Variants in DLGAP3 observed in about 807,000 individuals in gnomAD.
The protein encoded by DLGAP3 is disks large-associated protein 3.
Under a neutral mutation model 81.2 loss-of-function variants are expected in DLGAP3, and 17 were observed. The observed-to-expected ratio is 0.21, with a 90% CI of 0.14 to 0.31. The LOEUF is 0.31. Among genes scored for constraint, DLGAP3 ranks in the 10% least tolerant of loss-of-function variants. The pLI, the probability that DLGAP3 is intolerant of heterozygous loss-of-function variation, is 1.00. For synonymous variants in DLGAP3, 577 were observed against 587.4 expected, an observed-to-expected ratio of 0.98 and a Z score of 0.26; for missense variants, 1,124 against 1,388.0, an observed-to-expected ratio of 0.81 and a Z score of 3.02.
chr1:34,868,589 C>T lies in DLGAP3; in HGVS notation c.2485+16G>A, dbSNP rs759469064. 2.1e-5 allele frequency: 34 copies of T among 1,605,586 alleles called. No individual in the cohort carries two copies. Among genetic ancestry groups the T allele is most frequent in the Middle Eastern group, 3.3e-4 (2 of 6,072 alleles). On this transcript the variant is annotated intron_variant, in intron 9 of 11. Transcript: ENST00000373347. The surrounding 1 kb of genome is among the most constrained non-coding windows in gnomAD (Gnocchi z 7.5). Reference sequence around the variant, plus strand: ...CATGGTCCCCAGAGTCCCCTTGTTCCGATGCCGTGACTCACTCTCCTCGGG... The same window carrying T: ...CATGGTCCCCAGAGTCCCCTTGTTCTGATGCCGTGACTCACTCTCCTCGGG...
chr1:34,913,599 A>G (rs1378544010), intron 1 of DLGAP3, among the ~76,000 whole-genome samples: 30 of 152,164 alleles, frequency 2.0e-4, no homozygotes, highest in Admixed American at 2.0e-3. Flanking sequence ...TGTTTATAGT[A>G]TGTCTCCCCA....
chr1:34,926,006 A>G (rs944670733), intron 1 of DLGAP3, among the ~76,000 whole-genome samples: 3 of 152,208 alleles, frequency 2.0e-5, no homozygotes, highest in Non-Finnish European at 4.4e-5. Context: ...GCTTGGAAGC[A>G]TGTTTGCCTG....
chr1:34,918,704 A>C (rs545861718), intron 1 of DLGAP3, among the ~76,000 whole-genome samples: 1 of 152,286 alleles, frequency 6.6e-6, no homozygotes, highest in East Asian at 1.9e-4. Context: ...CTTGAGGGGT[A>C]AGGAGAGAGG....
At chr1:34,925,193 C>CT (rs1639852569) in intron 1 of DLGAP3, among the ~76,000 whole-genome samples, 1 of 146,412 alleles carries the variant, frequency 6.8e-6, no homozygotes, top group African/African-American at 2.7e-5. Context: ...ACCCCCCCCC[C>CT]ACCTTCCCTC....
chr1:34,880,928 T>C (rs187194400), intron 8 of DLGAP3, among the ~76,000 whole-genome samples: 195 of 152,146 alleles, frequency 1.3e-3, no homozygotes, highest in African/African-American at 4.5e-3. Flanking sequence ...GTCTCTCCTA[T>C]CCCCAAAAGG....
rs149113145 is a variant in DLGAP3, at chr1:34,900,705, G to A, written c.1108-432C>T. Among the ~76,000 whole-genome samples, 450 of 152,342 alleles carry A rather than the reference G, an allele frequency of 3.0e-3. No individual in the cohort carries two copies. The highest frequency in any genetic ancestry group is 0.01 in the African/African-American group (426 of 41,582). On this transcript the variant is annotated intron_variant, in intron 3 of 11. Coordinates refer to ENST00000373347, the MANE Select transcript of DLGAP3 (RefSeq NM_001080418.3). The surrounding 1 kb of genome is among the most constrained non-coding windows in gnomAD (Gnocchi z 5.6). ...GGGGAGCCACAGAGGGCTTCATGCA[G>A]GGGAGTGACATCAGATTTGTGTTGC...
intron 1 of DLGAP3, among the ~76,000 whole-genome samples, chr1:34,908,193 G>T (rs1639588099): frequency 1.3e-5 from 2 of 152,208 alleles, no homozygotes; most frequent in Admixed American, 1.3e-4. Context: ...TCAGGGCTTT[G>T]CCCAGGGCCA....
Position 34,929,032 on chromosome 1 carries a change from CACAG to C in DLGAP3, c.-135+415_-135+418del, listed in dbSNP as rs1213468537. On this transcript the variant is annotated intron_variant, in intron 1 of 11. Transcript: ENST00000373347. This position sits in a 1 kb window ranked among gnomAD's most constrained non-coding sequence, Gnocchi z 6.5. ...CAGACCCACACAGTGACACACTCGG[CACAG>C]ACACACAGCGACACGCACTCACATT... 4.6e-5 allele frequency among the ~76,000 whole-genome samples: 7 copies of C among 152,254 alleles called. No individual in the cohort carries two copies. Among genetic ancestry groups the C allele is most frequent in the Non-Finnish European group, 2.9e-5 (2 of 68,008 alleles).
At chr1:34,912,061 C>G (rs924110087) in intron 1 of DLGAP3, among the ~76,000 whole-genome samples, 10 of 152,188 alleles carry the variant, frequency 6.6e-5, no homozygotes, top group African/African-American at 2.4e-4. Flanking sequence ...CCTCTCTTAA[C>G]CTGTCTCCTC....
intron 1 of DLGAP3, among the ~76,000 whole-genome samples, chr1:34,909,843 G>C (rs776354629): frequency 4.6e-5 from 7 of 152,098 alleles, no homozygotes; most frequent in Non-Finnish European, 8.8e-5. Flanking sequence ...AAAAAAAACA[G>C]ATGTGCCTTT....
chr1:34,914,834 A>G (rs947358929), intron 1 of DLGAP3, among the ~76,000 whole-genome samples: 2 of 152,188 alleles, frequency 1.3e-5, no homozygotes, highest in Non-Finnish European at 2.9e-5. Context: ...TTGGATCGGA[A>G]ATGGGTGGTC....
chr1:34,888,400 T>G (rs1013461776), intron 5 of DLGAP3, among the ~76,000 whole-genome samples: 11 of 152,314 alleles, frequency 7.2e-5, no homozygotes, highest in African/African-American at 2.6e-4. Context: ...CTGGCTCCCA[T>G]GTAAGGCTGA....
chr1:34,868,256 C>CTGGA lies in DLGAP3; in HGVS notation c.2485+345_2485+348dup, dbSNP rs1638917254. Among the ~76,000 whole-genome samples, 1 of 152,210 alleles carries CTGGA rather than the reference C, an allele frequency of 6.6e-6. No homozygotes were observed. The highest frequency in any genetic ancestry group is 2.4e-5 in the African/African-American group (1 of 41,458). ...CTCTCTGTAATCTTGGTCGCACCAC[C>CTGGA]TGGATCCCCACACCAGTCCAGATCT... On this transcript the variant is annotated intron_variant, in intron 9 of 11. Coordinates refer to ENST00000373347, the MANE Select transcript of DLGAP3 (RefSeq NM_001080418.3). The surrounding 1 kb of genome is among the most constrained non-coding windows in gnomAD (Gnocchi z 7.5).
chr1:34,915,034 C>A (rs1408089432), intron 1 of DLGAP3, among the ~76,000 whole-genome samples: 5 of 152,282 alleles, frequency 3.3e-5, no homozygotes, highest in South Asian at 2.1e-4. Context: ...GGTTAGTGGT[C>A]TCTCTTGTAA....
chr1:34,885,690 T>A lies in DLGAP3; in HGVS notation c.1702A>T (p.Ser568Cys). Reference protein sequence around the residue: ...AQSSTDSAHESFTAAEGPARR... With the variant: ...AQSSTDSAHECFTAAEGPARR... Reference sequence around the variant, plus strand: ...GCGGGGCCCTCGGCCGCCGTGAAGCTCTCGTGCGCGGAGTCGGTGCTGCTC... The same window carrying A: ...GCGGGGCCCTCGGCCGCCGTGAAGCACTCGTGCGCGGAGTCGGTGCTGCTC... The change falls in exon 7 of 12, where the codon AGC becomes TGC. Residue 568 changes from serine (S) to cysteine (C), a missense_variant. Ser to Cys is a moderately radical substitution (Grantham distance 112). Coordinates refer to ENST00000373347, the MANE Select transcript of DLGAP3 (RefSeq NM_001080418.3). 7.1e-7 allele frequency: 1 copy of A among 1,410,694 alleles called. No individual in the cohort carries two copies. Among genetic ancestry groups the A allele is most frequent in the Non-Finnish European group, 9.2e-7 (1 of 1,092,134 alleles). The allele number at this position is 1,410,694 out of a possible 1,614,324, so 87.4% of individuals were successfully genotyped here.
chr1:34,892,209 TA>T (rs1639320830), intron 5 of DLGAP3, among the ~76,000 whole-genome samples: 1 of 151,938 alleles, frequency 6.6e-6, no homozygotes. Flanking sequence ...AGCTGAAGAG[TA>T]GGGTAACTGA....
intron 5 of DLGAP3, among the ~76,000 whole-genome samples, chr1:34,888,814 C>T (rs1639273134): frequency 6.6e-6 from 1 of 152,212 alleles, no homozygotes; most frequent in Admixed American, 6.5e-5. Context: ...CCAAAGACAA[C>T]AGTTGCCAGC....
chr1:34,894,964 T>C (rs971128728), intron 5 of DLGAP3, among the ~76,000 whole-genome samples: 1 of 152,224 alleles, frequency 6.6e-6, no homozygotes, highest in Non-Finnish European at 1.5e-5. Flanking sequence ...AGGTGATGGG[T>C]ATGTCAATTC....
intron 8 of DLGAP3, among the ~76,000 whole-genome samples, chr1:34,880,965 A>G (rs1316577095): frequency 6.6e-6 from 1 of 152,178 alleles, no homozygotes; most frequent in African/African-American, 2.4e-5. Flanking sequence ...TTTTATAGGC[A>G]ACCTTTACCA....
Sources: allele counts gnomAD v4.1 joint callset (sites outside exome capture counted in the v4.1 genomes callset), GRCh38; gene constraint gnomAD v4.1.1; non-coding constraint Gnocchi (gnomAD v3.1); transcripts MANE v1.5; gene names NCBI Gene and HGNC (gene_info 2026-07-23, HGNC 2026-07-21).